FAAP100: variants seen among roughly 807,000 people sequenced by gnomAD.
FAAP100 encodes the protein FA core complex associated protein 100.
In FAAP100, 46 loss-of-function variants were observed where a neutral mutation model predicts 65.8. The observed-to-expected ratio is 0.70, with a 90% CI of 0.55 to 0.89. The LOEUF (loss-of-function observed/expected upper bound fraction) is 0.89. FAAP100 is among the 40% of genes least tolerant of loss of function. The pLI, the probability that FAAP100 is intolerant of heterozygous loss-of-function variation, is 0.00. For missense variants in FAAP100, 1,165 were observed against 1,196.7 expected (o/e 0.97, Z 0.39); for synonymous variants, 663 against 555.1 (o/e 1.19, Z -2.73).
chr17:81,545,114 G>A (rs1004138048), intron 6 of FAAP100, among the ~76,000 whole-genome samples: 1 of 152,240 alleles, frequency 6.6e-6, no homozygotes, highest in African/African-American at 2.4e-5. Flanking sequence ...ACGTTGCAGT[G>A]AGTCAAAATC....
chr17:81,548,834 T>C (rs1387737921), intron 4 of FAAP100, among the ~76,000 whole-genome samples: 1 of 150,510 alleles, frequency 6.6e-6, no homozygotes, highest in Non-Finnish European at 1.5e-5. Flanking sequence ...GGTCAGGAGA[T>C]CAAGACCATC....
At chr17:81,544,142 A>C in intron 6 of FAAP100, 22 bp from the exon 7 acceptor site, 21 of 1,577,378 alleles carry the variant, frequency 1.3e-5, no homozygotes, top group Non-Finnish European at 1.8e-5. Flanking sequence ...GAGCCACCTC[A>C]CTGCCTGCCT....
rs2143964817 is a variant in FAAP100, at chr17:81,550,992, C to T, written c.502G>A (p.Gly168Ser). The T allele has an allele frequency of 6.2e-7, 1 of 1,611,834 alleles. No individual in the cohort carries two copies. Among genetic ancestry groups the T allele is most frequent in the Admixed American group, 1.7e-5 (1 of 59,946 alleles). The change falls in exon 3 of 9, where the codon GGC becomes AGC. Residue 168 changes from glycine (G) to serine (S), a missense_variant. Coordinates refer to ENST00000327787, the MANE Select transcript of FAAP100 (RefSeq NM_025161.6). ...GACAGCTCCACCTCACCGATCTGGC[C>T]TCCTGGCCGGGGGTCCTCCCCAGGA... ...PCPGEDPRPGGQIGEVELSSY... is the reference protein window; with the variant it reads ...PCPGEDPRPGSQIGEVELSSY...
At chr17:81,552,934 A>T (rs2033554103), upstream of FAAP100, 1 of 152,448 alleles carries the variant, frequency 6.6e-6, no homozygotes, top group Admixed American at 6.6e-5. Flanking sequence ...CCGTGGCTGA[A>T]CACGTGGGGA....
rs2033024789 is a variant in FAAP100 at position 81,540,097 on chromosome 17, C to A, written c.*722G>T. On this transcript the variant is annotated 3_prime_UTR_variant, in exon 9 of 9. Transcript: ENST00000327787. Reference sequence around the variant, plus strand: ...GCCCCCCCCCGGGCCACAGCGCCACCCTGAGTGGCCCTGAAAATAGTGCAC... The same window carrying A: ...GCCCCCCCCCGGGCCACAGCGCCACACTGAGTGGCCCTGAAAATAGTGCAC... 2 of 398,578 alleles carry A rather than the reference C, an allele frequency of 5.0e-6. No homozygotes were observed. The highest frequency in any genetic ancestry group is 8.9e-6 in the Non-Finnish European group (2 of 225,912). The allele number at this position is 398,578 out of a possible 1,614,324, so 24.7% of individuals were successfully genotyped here.
At chr17:81,552,890 G>A (rs2033552696), upstream of FAAP100, among the ~76,000 whole-genome samples, 2 of 150,024 alleles carry the variant, frequency 1.3e-5, no homozygotes, top group Non-Finnish European at 1.5e-5. Flanking sequence ...GCCCAGCGGA[G>A]TGAGCCAGCT....
At position 81,551,242 on chromosome 17, in the gene FAAP100, G is replaced by A. The variant is rs761402747; in HGVS notation, c.291-39C>T. On this transcript the variant is annotated intron_variant, in intron 2 of 8. Coordinates refer to ENST00000327787, the MANE Select transcript of FAAP100 (RefSeq NM_025161.6). ...GACGCACTGGTCAGGCCTGGGCAGG[G>A]TGGGATTCCCACGTTCTCTTCACAA... The A allele has an allele frequency of 3.4e-6, 5 of 1,465,764 alleles. No individual in the cohort carries two copies. The South Asian group carries it at 6.9e-5, about 20-fold the overall frequency. 90.8% of individuals were successfully genotyped at this position (1,465,764 alleles called of 1,614,324 possible).
chr17:81,552,062 G>A lies in FAAP100; in HGVS notation c.166-10C>T, dbSNP rs771252816. The A allele has an allele frequency of 1.3e-6, 2 of 1,502,550 alleles. No individual in the cohort carries two copies. Among genetic ancestry groups the A allele is most frequent in the Non-Finnish European group, 1.8e-6 (2 of 1,136,234 alleles). 93.1% of individuals were successfully genotyped at this position (1,502,550 alleles called of 1,614,324 possible). On this transcript the variant is annotated splice_polypyrimidine_tract_variant and intron_variant, in intron 1 of 8. Transcript: ENST00000327787. ...GGAACCGGAACGCCGCCTGCGGACC[G>A]GGGCGCGGGTCAGGCCGACGCGACG...
chr17:81,540,066 C>T lies in FAAP100; in HGVS notation c.*753G>A. On this transcript the variant is annotated 3_prime_UTR_variant, in exon 9 of 9. Transcript: ENST00000327787. ...TGAGGGAGGAGGCTGGGGGCTGGGGCTCAGGGCCCCCCCCCGGGCCACAGC... is the reference window on the plus strand; with the variant it reads ...TGAGGGAGGAGGCTGGGGGCTGGGGTTCAGGGCCCCCCCCCGGGCCACAGC... 1 of 354,334 alleles carries T rather than the reference C, an allele frequency of 2.8e-6. No individual in the cohort carries two copies. The highest frequency in any genetic ancestry group is 5.2e-5 in the Admixed American group (1 of 19,374). The allele number at this position is 354,334 out of a possible 1,614,324, so 21.9% of individuals were successfully genotyped here.
intron 4 of FAAP100, chr17:81,547,916 C>A (rs1317846101): frequency 1.4e-6 from 1 of 707,664 alleles, no homozygotes; most frequent in Middle Eastern, 2.3e-4. Flanking sequence ...TCTTGGGCCA[C>A]AGGAGGAAAG....
chr17:81,540,801 A>C lies in FAAP100; in HGVS notation c.*18T>G. ...GAGGCTGGAAGCGTGGCCAGAGCCC[A>C]GGGGCAGGCCCGCCTGGTCACAGCA... is the stretch of plus-strand genomic sequence containing the variant. On this transcript the variant is annotated 3_prime_UTR_variant, in exon 9 of 9. Coordinates refer to ENST00000327787, the MANE Select transcript of FAAP100 (RefSeq NM_025161.6). 2 of 1,502,350 alleles carry C rather than the reference A, an allele frequency of 1.3e-6. No homozygotes were observed. The highest frequency in any genetic ancestry group is 1.3e-5 in the South Asian group (1 of 79,992). The allele number at this position is 1,502,350 out of a possible 1,614,324, so 93.1% of individuals were successfully genotyped here. A position where few individuals can be genotyped will look rare whatever the true frequency, so the allele number is the denominator to read the frequency against.
At chr17:81,552,362 C>G (rs1452518863), upstream of FAAP100, 7 of 1,313,368 alleles carry the variant, frequency 5.3e-6, no homozygotes, top group African/African-American at 4.6e-5. Context: ...GTGAGAAGCC[C>G]CGGCCGCGCG....
Sources: allele counts gnomAD v4.1 joint callset (sites outside exome capture counted in the v4.1 genomes callset), GRCh38; gene constraint gnomAD v4.1.1; transcripts MANE v1.5; gene names NCBI Gene and HGNC (gene_info 2026-07-23, HGNC 2026-07-21).